The following RGS20 variants were observed in gnomAD, a reference collection of about 807,000 sequenced individuals.
RGS20 encodes regulator of G protein signaling 20.
In RGS20, 30 loss-of-function variants were observed where a neutral mutation model predicts 33.6. That is an observed-to-expected ratio of 0.89 (90% confidence interval 0.67 to 1.21). The LOEUF (loss-of-function observed/expected upper bound fraction) is 1.21. Among genes scored for constraint, RGS20 ranks in the 50% most tolerant of loss-of-function variants. The pLI is 0.00. For missense variants in RGS20, 472 were observed against 502.4 expected (o/e 0.94, Z 0.58); for synonymous variants, 208 against 197.9 (o/e 1.05, Z -0.43).
At chr8:53,931,496 A>G (rs911309319) in intron 2 of RGS20, among the ~76,000 whole-genome samples, 1 of 152,168 alleles carries the variant, frequency 6.6e-6, no homozygotes, top group Admixed American at 6.5e-5. Context: ...CAGAGGTTGC[A>G]GTGAGCCAAG....
intron 2 of RGS20, among the ~76,000 whole-genome samples, chr8:53,931,498 T>C (rs915735046): frequency 1.5e-4 from 23 of 152,068 alleles, no homozygotes; most frequent in African/African-American, 5.6e-4. Context: ...GAGGTTGCAG[T>C]GAGCCAAGAT....
intron 2 of RGS20, among the ~76,000 whole-genome samples, chr8:53,893,885 G>A (rs1026528309): frequency 1.3e-5 from 2 of 152,084 alleles, no homozygotes; most frequent in African/African-American, 4.8e-5. Flanking sequence ...CTAGTAAAGC[G>A]AAAAACTCAC....
At chr8:53,958,041 TAGG>T (rs1188518173) in intron 5 of RGS20, among the ~76,000 whole-genome samples, 1 of 151,460 alleles carries the variant, frequency 6.6e-6, no homozygotes, top group Non-Finnish European at 1.5e-5. Flanking sequence ...GAGGCTGAGG[TAGG>T]AGAATTGCTT....
chr8:53,860,875 G>A (rs1229611242), intron 1 of RGS20, among the ~76,000 whole-genome samples: 1 of 152,054 alleles, frequency 6.6e-6, no homozygotes, highest in East Asian at 1.9e-4. Context: ...GCTGAGGCAG[G>A]AGAATTGCCT....
At chr8:53,914,778 C>T (rs1370952843) in intron 2 of RGS20, 2 of 152,056 alleles carry the variant, frequency 1.3e-5, no homozygotes. Context: ...TTAGCATGGC[C>T]CCTGCGCGAG....
At chr8:53,933,395 C>T (rs1457745291) in intron 2 of RGS20, among the ~76,000 whole-genome samples, 1 of 152,052 alleles carries the variant, frequency 6.6e-6, no homozygotes, top group African/African-American at 2.4e-5. Flanking sequence ...CTAGAATAAC[C>T]ATTTTAGAGA....
chr8:53,860,929 T>G (rs1004893850), intron 1 of RGS20, among the ~76,000 whole-genome samples: 2 of 151,450 alleles, frequency 1.3e-5, no homozygotes, highest in African/African-American at 4.9e-5. Flanking sequence ...ATCACACCAC[T>G]GCACTCTAGC....
At chr8:53,936,093 G>A (rs370491656) in intron 2 of RGS20, among the ~76,000 whole-genome samples, 1 of 152,108 alleles carries the variant, frequency 6.6e-6, no homozygotes, top group Admixed American at 6.6e-5. Flanking sequence ...TTGATGGAAT[G>A]TATCTCAAAA....
intron 3 of RGS20, among the ~76,000 whole-genome samples, chr8:53,944,072 A>T (rs979391574): frequency 2.5e-5 from 3 of 120,492 alleles, no homozygotes; most frequent in Non-Finnish European, 1.6e-5. Context: ...AAAAACTTTT[A>T]TAAAATAGTG....
At chr8:53,943,114 A>G (rs1007206031) in intron 3 of RGS20, among the ~76,000 whole-genome samples, 1 of 152,242 alleles carries the variant, frequency 6.6e-6, no homozygotes, top group African/African-American at 2.4e-5. Context: ...TAGCATAATT[A>G]TGAATTGGAA....
chr8:53,887,043 G>T, intron 2 of RGS20: 2 of 159,776 alleles, frequency 1.3e-5, no homozygotes, highest in South Asian at 3.4e-4. Flanking sequence ...CAATAAATCA[G>T]ACAACATTAG....
intron 1 of RGS20, chr8:53,876,443 C>T (rs1408474375): frequency 3.3e-5 from 5 of 152,202 alleles, no homozygotes; most frequent in Non-Finnish European, 7.3e-5. Context: ...ACCAGTGCTT[C>T]CAGGAATACG....
At chr8:53,913,737 C>G (rs1035875723) in intron 2 of RGS20, 2 of 152,328 alleles carry the variant, frequency 1.3e-5, no homozygotes, top group African/African-American at 4.8e-5. Flanking sequence ...GAGGCAGATG[C>G]CTGGCCCTGC....
intron 1 of RGS20, among the ~76,000 whole-genome samples, chr8:53,852,467 G>A (rs1811588805): frequency 6.6e-6 from 1 of 152,114 alleles, no homozygotes; most frequent in African/African-American, 2.4e-5. Context: ...AATTCCTTGG[G>A]AAAAAATTGA....
At chr8:53,954,834 C>A (rs1472338358) in intron 5 of RGS20, among the ~76,000 whole-genome samples, 1 of 150,536 alleles carries the variant, frequency 6.6e-6, no homozygotes, top group Non-Finnish European at 1.5e-5. Context: ...ATTATAGGTG[C>A]GCACCACCAG....
intron 2 of RGS20, among the ~76,000 whole-genome samples, chr8:53,884,359 CTAATTTTT>C (rs1812479694): frequency 6.6e-6 from 1 of 151,968 alleles, no homozygotes; most frequent in Non-Finnish European, 1.5e-5. Context: ...CCGCACCTGG[CTAATTTTT>C]TAATTTTTTA....
chr8:53,867,778 A>C (rs1188715867), intron 1 of RGS20, among the ~76,000 whole-genome samples: 1 of 150,860 alleles, frequency 6.6e-6, no homozygotes, highest in Non-Finnish European at 1.5e-5. Context: ...TCACCAGTGC[A>C]GTGGTGTGAT....
At chr8:53,857,999 G>T (rs1356595649) in intron 1 of RGS20, among the ~76,000 whole-genome samples, 1 of 151,780 alleles carries the variant, frequency 6.6e-6, no homozygotes, top group Non-Finnish European at 1.5e-5. Context: ...ATAAATATAT[G>T]CAATTATTAT....
At chr8:53,868,250 G>C (rs1218753490) in intron 1 of RGS20, among the ~76,000 whole-genome samples, 1 of 152,140 alleles carries the variant, frequency 6.6e-6, no homozygotes, top group Non-Finnish European at 1.5e-5. Flanking sequence ...GATGAATGTG[G>C]TCAAAAGTAC....
Sources: allele counts gnomAD v4.1 joint callset (sites outside exome capture counted in the v4.1 genomes callset), GRCh38; gene constraint gnomAD v4.1.1; transcripts MANE v1.5; gene names NCBI Gene and HGNC (gene_info 2026-07-23, HGNC 2026-07-21).